The following CEP128 variants were observed in gnomAD, a reference collection of about 807,000 sequenced individuals.
CEP128 encodes centrosomal protein 128kDa.
CEP128 carries 132 observed loss-of-function variants against 156.7 expected under a neutral mutation model. The observed-to-expected ratio is 0.84, with a 90% CI of 0.73 to 0.97. The LOEUF is 0.97. Ranked by LOEUF, CEP128 falls within the 50% of genes least tolerant of loss-of-function variation. The pLI is 0.00. For synonymous variants in CEP128, 469 were observed against 448.9 expected (o/e 1.04, Z -0.57); for missense variants, 1,252 against 1,281.9 (o/e 0.98, Z 0.36).
In CEP128 at chr14:80,597,849, A is replaced by C. The variant is rs1486344777; in HGVS notation, c.2807-17426T>G. On this transcript the variant is annotated intron_variant, in intron 19 of 24. Transcript: ENST00000555265. ...GCTGAAGATAAACAAAAATCACAGG[A>C]TCATATCAATCAATGAATAACAAGT... is the stretch of plus-strand genomic sequence containing the variant. Among the ~76,000 whole-genome samples, 77 of 151,480 alleles carry C rather than the reference A, an allele frequency of 5.1e-4. 1 individual carries two copies. Among genetic ancestry groups the C allele is most frequent in the Non-Finnish European group, 1.2e-4 (8 of 67,784 alleles).
chr14:80,579,287 C>T (rs1267463342), intron 20 of CEP128, among the ~76,000 whole-genome samples: 2 of 151,344 alleles, frequency 1.3e-5, no homozygotes, highest in African/African-American at 4.9e-5. Flanking sequence ...GTCAAGTATA[C>T]ACTTGAGATT....
At chr14:80,667,435 G>A (rs1293281778) in intron 19 of CEP128, among the ~76,000 whole-genome samples, 1 of 152,040 alleles carries the variant, frequency 6.6e-6, no homozygotes, top group Admixed American at 6.6e-5. Context: ...TAGGGAGTGG[G>A]GAATCCAGAG....
chr14:80,885,753 G>A (rs922050518), intron 8 of CEP128, among the ~76,000 whole-genome samples: 2 of 152,052 alleles, frequency 1.3e-5, no homozygotes, highest in African/African-American at 2.4e-5. Flanking sequence ...CTCCAGCAAC[G>A]GCACCAAATT....
chr14:80,721,387 T>C (rs1376924510), intron 19 of CEP128, among the ~76,000 whole-genome samples: 1 of 152,180 alleles, frequency 6.6e-6, no homozygotes, highest in African/African-American at 2.4e-5. Context: ...GAGCCACATA[T>C]GACTATTAAA....
intron 19 of CEP128, among the ~76,000 whole-genome samples, chr14:80,617,974 T>C (rs1407374807): frequency 6.6e-6 from 1 of 152,238 alleles, no homozygotes; most frequent in Non-Finnish European, 1.5e-5. Context: ...CTCTAGCTTT[T>C]TCATCTATAA....
intron 19 of CEP128, among the ~76,000 whole-genome samples, chr14:80,614,188 C>T (rs1339625819): frequency 6.6e-6 from 1 of 152,050 alleles, no homozygotes; most frequent in Non-Finnish European, 1.5e-5. Context: ...AAAAAGGGCA[C>T]CTACTTCCAA....
intron 19 of CEP128, among the ~76,000 whole-genome samples, chr14:80,643,747 T>C (rs1894519853): frequency 6.6e-6 from 1 of 151,524 alleles, no homozygotes; most frequent in Non-Finnish European, 1.5e-5. Flanking sequence ...CACACAGCAA[T>C]ATACAGCCAA....
At chr14:80,560,838 C>G (rs568378074) in intron 20 of CEP128, among the ~76,000 whole-genome samples, 1 of 152,258 alleles carries the variant, frequency 6.6e-6, no homozygotes, top group Non-Finnish European at 1.5e-5. Context: ...AGCTTGCAGA[C>G]AGCCTATTGT....
intron 13 of CEP128, among the ~76,000 whole-genome samples, chr14:80,809,457 GATAAAA>G (rs1183508019): frequency 6.6e-6 from 1 of 152,068 alleles, no homozygotes; most frequent in Non-Finnish European, 1.5e-5. Context: ...CAAAATAATA[GATAAAA>G]ACTTCTCAAG....
At chr14:80,553,347 T>A (rs1205018798) in intron 21 of CEP128, among the ~76,000 whole-genome samples, 1 of 152,194 alleles carries the variant, frequency 6.6e-6, no homozygotes, top group African/African-American at 2.4e-5. Context: ...CATTTTTGCA[T>A]CTGATATGAG....
Position 80,526,748 on chromosome 14 carries a change from T to C in CEP128, c.3072+121A>G, listed in dbSNP as rs535030662. 1.1e-5 allele frequency: 6 copies of C among 545,286 alleles called. No individual in the cohort carries two copies. In the South Asian group the frequency reaches 1.1e-4, roughly 10 times the overall value. 33.8% of individuals were successfully genotyped at this position (545,286 alleles called of 1,614,324 possible). On this transcript the variant is annotated intron_variant, in intron 23 of 24. Transcript: ENST00000555265. ...CAGAATTGAAAGTCTATTTAATATA[T>C]CAAGGAAAATATTTTCTTTCACAAG...
At chr14:80,744,603 T>G (rs954022077) in intron 18 of CEP128, among the ~76,000 whole-genome samples, 2 of 152,192 alleles carry the variant, frequency 1.3e-5, no homozygotes, top group African/African-American at 2.4e-5. Context: ...GAGGCATAAC[T>G]GACTCCCTCC....
At chr14:80,568,055 A>G (rs894238279) in intron 20 of CEP128, among the ~76,000 whole-genome samples, 1 of 152,210 alleles carries the variant, frequency 6.6e-6, no homozygotes, top group African/African-American at 2.4e-5. Flanking sequence ...GGCATAATTT[A>G]TGAGCAGGCT....
chr14:80,596,346 T>C (rs907899769), intron 19 of CEP128, among the ~76,000 whole-genome samples: 2 of 151,984 alleles, frequency 1.3e-5, no homozygotes, highest in Admixed American at 6.5e-5. Flanking sequence ...AATCCCAATA[T>C]CACTCTCTCA....
chr14:80,790,601 C>A (rs529136829), intron 14 of CEP128, among the ~76,000 whole-genome samples: 3 of 151,486 alleles, frequency 2.0e-5, no homozygotes, highest in African/African-American at 7.3e-5. Context: ...TGCAGTGATA[C>A]GCGATTTGAT....
intron 2 of CEP128, among the ~76,000 whole-genome samples, chr14:80,931,788 G>A (rs574921753): frequency 6.6e-6 from 1 of 152,296 alleles, no homozygotes; most frequent in East Asian, 1.9e-4. Flanking sequence ...GTGAACATTG[G>A]GATTTTTGAC....
chr14:80,779,531 A>C (rs1900986884), intron 15 of CEP128, among the ~76,000 whole-genome samples: 1 of 152,238 alleles, frequency 6.6e-6, no homozygotes, highest in African/African-American at 2.4e-5. Flanking sequence ...AGGTAAATAC[A>C]AAGAATTCCC....
intron 8 of CEP128, among the ~76,000 whole-genome samples, chr14:80,887,995 A>G (rs1888893831): frequency 6.6e-6 from 1 of 152,192 alleles, no homozygotes; most frequent in Non-Finnish European, 1.5e-5. Context: ...AGAATACTAT[A>G]AATACCTCTA....
At chr14:80,617,219 CTTTTTTTTT>C (rs3069115) in intron 19 of CEP128, among the ~76,000 whole-genome samples, 60 of 60,224 alleles carry the variant, frequency 1.0e-3, no homozygotes, top group East Asian at 1.7e-3. Context: ...TGAATATCAT[CTTTTTTTTT>C]TTTTTTTTTT....
Sources: gnomAD v4.1 joint callset for allele counts (sites outside exome capture counted in the v4.1 genomes callset) on GRCh38, gnomAD v4.1.1 for gene constraint, MANE v1.5 for transcripts, NCBI Gene and HGNC (gene_info 2026-07-23, HGNC 2026-07-21) for gene names.